Variants in PTK2 observed in about 807,000 individuals in gnomAD.
PTK2 encodes protein tyrosine kinase 2, also known as focal adhesion kinase 1.
Under a neutral mutation model 150.1 loss-of-function variants are expected in PTK2, and 45 were observed. The ratio of observed to expected loss-of-function variants is 0.30; its 90% CI spans 0.24 to 0.38. PTK2 has a LOEUF of 0.38. PTK2 is among the 10% of genes least tolerant of loss of function. PTK2 has a pLI of 1.00. For missense variants in PTK2, 919 were observed against 1,307.3 expected (o/e 0.70, Z 4.58); for synonymous variants, 432 against 449.2 (o/e 0.96, Z 0.48).
intron 26 of PTK2, among the ~76,000 whole-genome samples, chr8:140,692,628 AAAAC>A (rs2100023860): frequency 7.5e-6 from 1 of 133,834 alleles, no homozygotes; most frequent in African/African-American, 2.8e-5. Context: ...AAAACAAACA[AAAAC>A]AAACAAGCCA....
chr8:140,988,646 G>A (rs542895963), intron 1 of PTK2, among the ~76,000 whole-genome samples: 2 of 150,714 alleles, frequency 1.3e-5, no homozygotes, highest in African/African-American at 4.9e-5. Context: ...GGAGAATGGC[G>A]TGAACCCGGG....
At chr8:140,671,061 G>A (rs2095300018) in intron 29 of PTK2, among the ~76,000 whole-genome samples, 1 of 152,142 alleles carries the variant, frequency 6.6e-6, no homozygotes, top group East Asian at 1.9e-4. Flanking sequence ...TCCTTGGCAG[G>A]CAGTTGATAA....
intron 23 of PTK2, among the ~76,000 whole-genome samples, chr8:140,713,241 T>C (rs2100037767): frequency 6.6e-6 from 1 of 152,230 alleles, no homozygotes; most frequent in Non-Finnish European, 1.5e-5. Flanking sequence ...TCAGCAGCTC[T>C]ATTAGCGGAA....
chr8:140,962,618 GAAACCTACTAAAAATACAAA>G (rs1285272851), intron 1 of PTK2, among the ~76,000 whole-genome samples: 1 of 151,898 alleles, frequency 6.6e-6, no homozygotes, highest in Non-Finnish European at 1.5e-5. Context: ...CTAACACAGT[GAAACCTACTAAAAATACAAA>G]AAATTAGCCG....
In PTK2 at chr8:140,908,897, T is replaced by C. The variant is rs115916915; in HGVS notation, c.-33+16764A>G. Among the ~76,000 whole-genome samples, 662 of 152,312 alleles carry C rather than the reference T, an allele frequency of 4.3e-3. 4 individuals are homozygous for C. Among genetic ancestry groups the C allele is most frequent in the African/African-American group, 0.015 (631 of 41,552 alleles). ...AAGAATGCATTCAATATACCATGTT[T>C]TACCAGAATTTTTCCATAATAAAAT... On this transcript the variant is annotated intron_variant, in intron 2 of 31. Transcript: ENST00000522684.
At chr8:140,762,829 A>G (rs1350552644) in intron 15 of PTK2, among the ~76,000 whole-genome samples, 1 of 151,914 alleles carries the variant, frequency 6.6e-6, no homozygotes, top group Non-Finnish European at 1.5e-5. Flanking sequence ...TGCCCAGGCC[A>G]AAGTGCAGTT....
chr8:140,881,842 T>C (rs937613204), intron 3 of PTK2, among the ~76,000 whole-genome samples: 1 of 152,280 alleles, frequency 6.6e-6, no homozygotes, highest in Middle Eastern at 3.4e-3. Flanking sequence ...CTGTGGTATC[T>C]GTTAGGGAAA....
At chr8:140,668,382 C>T (rs2093620866) in exon 30 of PTK2, 2 of 1,613,740 alleles carry the variant, frequency 1.2e-6, no homozygotes, top group Non-Finnish European at 1.7e-6. Context: ...TTCGACCGGT[C>T]CAGGTTGGCA....
At chr8:140,795,535 C>T (rs1157485549) in intron 12 of PTK2, among the ~76,000 whole-genome samples, 1 of 152,166 alleles carries the variant, frequency 6.6e-6, no homozygotes, top group Non-Finnish European at 1.5e-5. Flanking sequence ...TACTTTCTTC[C>T]CTGTCTTATT....
Position 140,671,793 on chromosome 8 carries a change from C to T in PTK2, c.2709+2505G>A, listed in dbSNP as rs371549951. The stretch of plus-strand genomic sequence containing the variant: ...AAAAAAAAAAAAAAATTAGATGGGC[C>T]TGGTGGCGGGTGCCTGTAGTCCCAG... On this transcript the variant is annotated intron_variant, in intron 29 of 31. Transcript: ENST00000522684. 3.3e-5 allele frequency among the ~76,000 whole-genome samples: 5 copies of T among 149,312 alleles called. No individual in the cohort carries two copies. The East Asian group carries it at 5.9e-4, about 18-fold the overall frequency.
intron 31 of PTK2, among the ~76,000 whole-genome samples, chr8:140,660,960 C>A (rs1038387262): frequency 2.6e-5 from 4 of 152,236 alleles, no homozygotes; most frequent in African/African-American, 9.6e-5. Flanking sequence ...TGTTTTTACC[C>A]GCAGTCTACA....
At chr8:140,980,383 C>T (rs549474318) in intron 1 of PTK2, among the ~76,000 whole-genome samples, 9 of 152,182 alleles carry the variant, frequency 5.9e-5, no homozygotes, top group East Asian at 5.8e-4. Context: ...TTTGGGAGGC[C>T]GAAGCAGGCG....
rs1428624953 is a variant in PTK2 at position 140,852,319 on chromosome 8, G to A, written c.451-5641C>T. Among the ~76,000 whole-genome samples the A allele has an allele frequency of 2.0e-5, 3 of 152,322 alleles. No individual in the cohort carries two copies. In the East Asian group the frequency reaches 5.8e-4, roughly 29 times the overall value. ...GCTTGCTAGAGTTAGGGATGGGACA[G>A]CATGTGACTAATAAAGCAACAGGGA... On this transcript the variant is annotated intron_variant, in intron 5 of 31. Transcript: ENST00000522684.
chr8:140,803,589 T>C, exon 11 of PTK2: 1 of 1,614,094 alleles, frequency 6.2e-7, no homozygotes, highest in Non-Finnish European at 8.5e-7. Flanking sequence ...TTTTCTGTCC[T>C]TGTCTTCACT....
At chr8:140,985,331 C>CCCAGGCTGGTCT (rs1195162086) in intron 1 of PTK2, among the ~76,000 whole-genome samples, 1 of 151,940 alleles carries the variant, frequency 6.6e-6, no homozygotes, top group Non-Finnish European at 1.5e-5. Context: ...CACTATGATC[C>CCCAGGCTGGTCT]CCAGGCTGGT....
At chr8:140,768,427 A>T (rs2100073636) in intron 14 of PTK2, among the ~76,000 whole-genome samples, 2 of 152,226 alleles carry the variant, frequency 1.3e-5, no homozygotes, top group African/African-American at 4.8e-5. Flanking sequence ...TTACAGAGTA[A>T]TCCTCACAAC....
At chr8:140,915,817 A>T (rs1358483964) in intron 2 of PTK2, among the ~76,000 whole-genome samples, 1 of 151,970 alleles carries the variant, frequency 6.6e-6, no homozygotes, top group African/African-American at 2.4e-5. Flanking sequence ...CAGGAGAATC[A>T]CTTGAACCTG....
chr8:140,935,433 G>A (rs769652949), intron 1 of PTK2, among the ~76,000 whole-genome samples: 5 of 152,098 alleles, frequency 3.3e-5, no homozygotes, highest in Non-Finnish European at 5.9e-5. Flanking sequence ...CCTAGGCTGC[G>A]ATGTATCCAT....
At chr8:140,952,320 T>C (rs571938465) in intron 1 of PTK2, among the ~76,000 whole-genome samples, 8 of 151,680 alleles carry the variant, frequency 5.3e-5, no homozygotes, top group Non-Finnish European at 1.0e-4. Context: ...GGGAAGGAAA[T>C]AGGGGAACAC....
Sources: allele counts gnomAD v4.1 joint callset (sites outside exome capture counted in the v4.1 genomes callset), GRCh38; gene constraint gnomAD v4.1.1; transcripts MANE v1.5; gene names NCBI Gene and HGNC (gene_info 2026-07-23, HGNC 2026-07-21).